ZNF609: variants seen among roughly 807,000 people sequenced by gnomAD.
ZNF609 encodes the protein zinc finger protein 609.
In ZNF609, 11 loss-of-function variants were observed where a neutral mutation model predicts 109.5. The ratio of observed to expected loss-of-function variants is 0.10; its 90% CI spans 0.06 to 0.17. The LOEUF (loss-of-function observed/expected upper bound fraction) is 0.17. ZNF609 is among the 10% of genes least tolerant of loss of function. The probability of loss-of-function intolerance (pLI) is 1.00; values close to 1 mark genes in which losing one functional copy is unlikely to be tolerated. For missense variants in ZNF609, 1,559 were observed against 1,772.4 expected (o/e 0.88, Z 2.16); for synonymous variants, 646 against 662.0 (o/e 0.98, Z 0.37).
chr15:64,511,871 C>T (rs988774149), intron 2 of ZNF609, among the ~76,000 whole-genome samples: 112 of 151,970 alleles, frequency 7.4e-4, no homozygotes, highest in African/African-American at 2.4e-3. Context: ...CACTCCACCA[C>T]GCCCAGCTAA....
chr15:64,489,248 C>T (rs748015670), intron 1 of ZNF609, among the ~76,000 whole-genome samples: 7 of 149,330 alleles, frequency 4.7e-5, no homozygotes, highest in South Asian at 4.2e-4. Flanking sequence ...TGCAGTGGCG[C>T]GATCTTGGCT....
chr15:64,511,296 ACT>A (rs1382684963), intron 2 of ZNF609, among the ~76,000 whole-genome samples: 10 of 151,934 alleles, frequency 6.6e-5, no homozygotes, highest in Admixed American at 3.9e-4. Flanking sequence ...ACATGGTGAA[ACT>A]CTATCACTAC....
chr15:64,568,096 T>C (rs1023306843), intron 2 of ZNF609, among the ~76,000 whole-genome samples: 1 of 152,220 alleles, frequency 6.6e-6, no homozygotes, highest in Non-Finnish European at 1.5e-5. Context: ...ATATATGTGA[T>C]TGTATTTGTT....
In ZNF609 at chr15:64,549,212, C is replaced by T. The variant is rs977550446; in HGVS notation, c.747+49046C>T. Among the ~76,000 whole-genome samples the T allele has an allele frequency of 1.2e-4, 19 of 152,076 alleles. No homozygotes were observed. In the East Asian group the frequency reaches 1.4e-3, roughly 11 times the overall value. On this transcript the variant is annotated intron_variant, in intron 2 of 9. Transcript: ENST00000326648. ...TTGGTTTGGTTTGGTTTTTTTGAGA[C>T]GGAGTTTAGCTCTTGTAGTCCAAGC...
intron 3 of ZNF609, among the ~76,000 whole-genome samples, chr15:64,645,056 T>TCTTCCTTC (rs1215784646): frequency 1.4e-5 from 2 of 141,820 alleles, no homozygotes; most frequent in African/African-American, 5.6e-5. Context: ...TTTCTTCCTT[T>TCTTCCTTC]CTTCCTTCCT....
At chr15:64,634,461 T>C (rs1437564627) in intron 3 of ZNF609, among the ~76,000 whole-genome samples, 2 of 152,184 alleles carry the variant, frequency 1.3e-5, no homozygotes, top group Non-Finnish European at 2.9e-5. Flanking sequence ...TCTTCTTTCA[T>C]GGAAATGGTA....
At chr15:64,601,205 A>G (rs1895492752) in intron 2 of ZNF609, among the ~76,000 whole-genome samples, 1 of 152,188 alleles carries the variant, frequency 6.6e-6, no homozygotes, top group Non-Finnish European at 1.5e-5. Context: ...TAGAGCATAA[A>G]GTGGGAGGAG....
intron 3 of ZNF609, among the ~76,000 whole-genome samples, chr15:64,629,782 A>G (rs1292429587): frequency 6.6e-6 from 1 of 152,152 alleles, no homozygotes; most frequent in Non-Finnish European, 1.5e-5. Flanking sequence ...AGAATCTGCC[A>G]CTCTTCTGCT....
intron 2 of ZNF609, among the ~76,000 whole-genome samples, chr15:64,580,559 T>TC (rs1008579345): frequency 2.0e-5 from 3 of 150,998 alleles, no homozygotes; most frequent in African/African-American, 7.3e-5. Context: ...TTCTTTTCTT[T>TC]TTTTTTTTTG....
chr15:64,540,690 T>A (rs1328744908), intron 2 of ZNF609, among the ~76,000 whole-genome samples: 1 of 151,210 alleles, frequency 6.6e-6, no homozygotes, highest in Non-Finnish European at 1.5e-5. Context: ...AGGTGTGAGA[T>A]ACCGTGTCCG....
intron 2 of ZNF609, among the ~76,000 whole-genome samples, chr15:64,523,635 C>T (rs1301962982): frequency 1.3e-5 from 2 of 151,948 alleles, no homozygotes; most frequent in Admixed American, 1.3e-4. Context: ...TGGTGATGCA[C>T]ACTTGTAATC....
At chr15:64,610,265 A>G (rs1400068184) in intron 2 of ZNF609, among the ~76,000 whole-genome samples, 1 of 152,194 alleles carries the variant, frequency 6.6e-6, no homozygotes. Flanking sequence ...CTAAATGATG[A>G]GAACACATGG....
At chr15:64,541,179 G>A (rs370397315) in intron 2 of ZNF609, among the ~76,000 whole-genome samples, 2 of 151,644 alleles carry the variant, frequency 1.3e-5, no homozygotes, top group East Asian at 2.0e-4. Context: ...TGTAATCCCA[G>A]CACTTTGGGA....
rs1896800216 is a variant in ZNF609 at position 64,675,755 on chromosome 15, G to A, written c.2901G>A (p.Met967Ile). The A allele has an allele frequency of 1.9e-6, 3 of 1,614,182 alleles. No homozygotes were observed. Among genetic ancestry groups the A allele is most frequent in the Non-Finnish European group, 1.7e-6 (2 of 1,180,042 alleles). The part of the protein sequence containing the change: ...QPSVIQQRPN[M>I]YMQSLYYNQY... ...CGGTCATCCAGCAGCGTCCCAATAT[G>A]TACATGCAGTCCCTGTACTACAACC... Residue 967 changes from methionine (M) to isoleucine (I), a missense_variant, in exon 5 of 10, where the codon ATG becomes ATA. By Grantham distance (10) the Met-to-Ile change is conservative. This residue lies in a region of ZNF609 where 1,204 missense variants were observed against 1,314.1 expected (regional missense o/e 0.92). Coordinates refer to ENST00000326648, the MANE Select transcript of ZNF609 (RefSeq NM_015042.2).
intron 2 of ZNF609, among the ~76,000 whole-genome samples, chr15:64,607,354 G>A (rs961700966): frequency 1.3e-5 from 2 of 151,832 alleles, no homozygotes; most frequent in Non-Finnish European, 2.9e-5. Flanking sequence ...TTCTATGTAA[G>A]GCTGATTTTC....
intron 2 of ZNF609, among the ~76,000 whole-genome samples, chr15:64,606,779 G>C (rs981235539): frequency 6.6e-6 from 1 of 151,926 alleles, no homozygotes; most frequent in African/African-American, 2.4e-5. Flanking sequence ...GAGGCAGGAG[G>C]ATCACCTGAG....
chr15:64,463,399 T>TAAA (rs34188401), intron 1 of ZNF609, among the ~76,000 whole-genome samples: 2 of 140,692 alleles, frequency 1.4e-5, no homozygotes. Flanking sequence ...ACCTTGTCTT[T>TAAA]AAAAAAAAAA....
Position 64,543,908 on chromosome 15 carries a change from T to A in ZNF609, c.747+43742T>A, listed in dbSNP as rs543943334. On this transcript the variant is annotated intron_variant, in intron 2 of 9. Coordinates refer to ENST00000326648, the MANE Select transcript of ZNF609 (RefSeq NM_015042.2). Reference sequence around the variant, plus strand: ...TTCCACCTAGATTGGAAGATCTTTTTGAAGGCAAGTCTTGTGTTGTCTTTG... The same window carrying A: ...TTCCACCTAGATTGGAAGATCTTTTAGAAGGCAAGTCTTGTGTTGTCTTTG... Among the ~76,000 whole-genome samples, 40 of 152,342 alleles carry A rather than the reference T, an allele frequency of 2.6e-4. No individual in the cohort carries two copies. The East Asian group carries it at 6.9e-3, about 26-fold the overall frequency.
chr15:64,501,607 G>C (rs1893563481), intron 2 of ZNF609: 1 of 152,196 alleles, frequency 6.6e-6, no homozygotes, highest in African/African-American at 2.4e-5. Context: ...CTGTTTTAAA[G>C]AGGCTTAGGA....
Sources: gnomAD v4.1 joint callset for allele counts (sites outside exome capture counted in the v4.1 genomes callset) on GRCh38, gnomAD v4.1.1 for gene constraint, gnomAD v4.1.1 regional missense constraint, MANE v1.5 for transcripts, NCBI Gene and HGNC (gene_info 2026-07-23, HGNC 2026-07-21) for gene names.